Variants in PTPRD observed in about 807,000 individuals in gnomAD.
The protein encoded by PTPRD is protein tyrosine phosphatase receptor type D.
PTPRD carries 34 observed loss-of-function variants against 214.5 expected under a neutral mutation model. The ratio of observed to expected loss-of-function variants is 0.16; its 90% confidence interval spans 0.12 to 0.21. The LOEUF (loss-of-function observed/expected upper bound fraction) is 0.21, where lower values mean the gene tolerates loss of function less well. Ranked by LOEUF, PTPRD falls within the 10% of genes least tolerant of loss-of-function variation. PTPRD has a pLI of 1.00. For synonymous variants in PTPRD, 1,128 were observed against 845.7 expected, an observed-to-expected ratio of 1.33 and a Z score of -5.79; for missense variants, 2,545 against 2,398.7, an observed-to-expected ratio of 1.06 and a Z score of -1.27.
At chr9:9,101,029 A>T (rs573647616) in intron 10 of PTPRD, among the ~76,000 whole-genome samples, 1 of 152,260 alleles carries the variant, frequency 6.6e-6, no homozygotes, top group South Asian at 2.1e-4. Context: ...AGAATAAAGA[A>T]GATAAAAATG....
intron 11 of PTPRD, among the ~76,000 whole-genome samples, chr9:8,853,899 AAAAGGT>A (rs2097863608): frequency 2.0e-5 from 3 of 152,346 alleles, no homozygotes; most frequent in African/African-American, 7.2e-5. Flanking sequence ...TAACAACAAA[AAAAGGT>A]AAATAACTCC....
intron 31 of PTPRD, among the ~76,000 whole-genome samples, chr9:8,467,912 T>C (rs2096575989): frequency 6.6e-6 from 1 of 152,002 alleles, no homozygotes; most frequent in Non-Finnish European, 1.5e-5. Flanking sequence ...GCAGAGGTGC[T>C]GAACAGTTTT....
intron 9 of PTPRD, among the ~76,000 whole-genome samples, chr9:9,384,334 A>G (rs1331133245): frequency 8.9e-6 from 1 of 112,036 alleles, no homozygotes; most frequent in Non-Finnish European, 1.9e-5. Flanking sequence ...ATTTGAGCAG[A>G]AGACTAGGCT....
chr9:10,402,353 GAT>G (rs1446678814), intron 2 of PTPRD, among the ~76,000 whole-genome samples: 2 of 151,590 alleles, frequency 1.3e-5, no homozygotes, highest in African/African-American at 4.8e-5. Flanking sequence ...CAATTCCTAA[GAT>G]ATGTTTTAAA....
intron 5 of PTPRD, among the ~76,000 whole-genome samples, chr9:9,855,116 C>T (rs2061301649): frequency 6.6e-6 from 1 of 152,212 alleles, no homozygotes; most frequent in African/African-American, 2.4e-5. Flanking sequence ...GATCAACCTA[C>T]TGTCATCATT....
intron 11 of PTPRD, among the ~76,000 whole-genome samples, chr9:8,800,235 G>C (rs1600199213): frequency 6.6e-6 from 1 of 151,858 alleles, no homozygotes; most frequent in East Asian, 1.9e-4. Context: ...CTTTTTTTAA[G>C]GCATGTATAT....
chr9:10,427,665 G>A (rs928406399), intron 2 of PTPRD, among the ~76,000 whole-genome samples: 7 of 152,084 alleles, frequency 4.6e-5, no homozygotes, highest in East Asian at 1.9e-4. Flanking sequence ...TTTCTGTCCC[G>A]ATTAGATAAA....
intron 9 of PTPRD, among the ~76,000 whole-genome samples, chr9:9,265,833 T>C (rs919307304): frequency 2.6e-5 from 4 of 151,184 alleles, no homozygotes; most frequent in Non-Finnish European, 5.9e-5. Context: ...AAAGGACTGA[T>C]AAAACAACCA....
chr9:9,418,385 C>A (rs1271928519), intron 8 of PTPRD, among the ~76,000 whole-genome samples: 1 of 151,902 alleles, frequency 6.6e-6, no homozygotes, highest in Non-Finnish European at 1.5e-5. Context: ...ACTCACTGGT[C>A]ATGTTAGGAT....
At chr9:9,604,575 A>G (rs2094017580) in intron 7 of PTPRD, among the ~76,000 whole-genome samples, 1 of 152,060 alleles carries the variant, frequency 6.6e-6, no homozygotes, top group Non-Finnish European at 1.5e-5. Flanking sequence ...TTGTTCTACA[A>G]AGTGTTCTTT....
chr9:9,535,007 A>G (rs1000191643), intron 8 of PTPRD, among the ~76,000 whole-genome samples: 3 of 152,130 alleles, frequency 2.0e-5, no homozygotes, highest in African/African-American at 7.2e-5. Context: ...CTAAATGTAG[A>G]CAGCGAAATG....
chr9:9,451,425 C>A (rs1244420611), intron 8 of PTPRD, among the ~76,000 whole-genome samples: 2 of 151,580 alleles, frequency 1.3e-5, no homozygotes, highest in South Asian at 2.1e-4. Flanking sequence ...AGTTTGTTTC[C>A]ATTTTTGTGT....
At chr9:9,364,296 C>T (rs2057220353) in intron 9 of PTPRD, among the ~76,000 whole-genome samples, 1 of 151,416 alleles carries the variant, frequency 6.6e-6, no homozygotes. Flanking sequence ...CCCTGGATTA[C>T]AGTAGTAAAC....
chr9:9,349,524 C>T, intron 9 of PTPRD, among the ~76,000 whole-genome samples: 1 of 151,588 alleles, frequency 6.6e-6, no homozygotes, highest in East Asian at 1.9e-4. Context: ...GAATCCCACT[C>T]AAAATGTAAC....
intron 12 of PTPRD, among the ~76,000 whole-genome samples, chr9:8,699,387 T>C (rs764991332): frequency 1.3e-5 from 2 of 152,170 alleles, no homozygotes; most frequent in Non-Finnish European, 2.9e-5. Flanking sequence ...ATTCCTGAAA[T>C]AATGTAAATA....
intron 11 of PTPRD, among the ~76,000 whole-genome samples, chr9:8,901,721 T>C (rs2154251965): frequency 6.6e-6 from 1 of 152,334 alleles, no homozygotes; most frequent in Middle Eastern, 3.4e-3. Flanking sequence ...TTACTTGAAA[T>C]GAGTGTAATT....
At chr9:9,628,603 C>T (rs946185202) in intron 7 of PTPRD, among the ~76,000 whole-genome samples, 3 of 152,074 alleles carry the variant, frequency 2.0e-5, no homozygotes, top group Admixed American at 2.0e-4. Flanking sequence ...TTAAAAAACT[C>T]TTAATGACAG....
chr9:8,547,923 T>G (rs565703998), intron 14 of PTPRD, among the ~76,000 whole-genome samples: 32 of 152,300 alleles, frequency 2.1e-4, no homozygotes, highest in South Asian at 1.5e-3. Context: ...TCTCAGACTC[T>G]CTGTGTAAAA....
At chr9:8,666,814 C>A (rs2097179314) in intron 12 of PTPRD, among the ~76,000 whole-genome samples, 1 of 152,150 alleles carries the variant, frequency 6.6e-6, no homozygotes, top group South Asian at 2.1e-4. Flanking sequence ...GCTACACCAC[C>A]TGGATTCAAC....
Sources: gnomAD v4.1 joint callset for allele counts (sites outside exome capture counted in the v4.1 genomes callset) on GRCh38, gnomAD v4.1.1 for gene constraint, MANE v1.5 for transcripts, NCBI Gene and HGNC (gene_info 2026-07-23, HGNC 2026-07-21) for gene names.